The following GRM5 variants were observed in gnomAD, a reference collection of about 807,000 sequenced individuals.
The protein encoded by GRM5 is metabotropic glutamate receptor 5.
GRM5 carries 19 observed loss-of-function variants against 83.1 expected under a neutral mutation model. The ratio of observed to expected loss-of-function variants is 0.23; its 90% CI spans 0.16 to 0.34. GRM5 has a LOEUF of 0.34. GRM5 is among the 10% of genes least tolerant of loss of function. The pLI, the probability that GRM5 is intolerant of heterozygous loss-of-function variation, is 1.00. For synonymous variants in GRM5, 675 were observed against 633.6 expected (o/e 1.07, Z -0.98); for missense variants, 1,160 against 1,588.3 (o/e 0.73, Z 4.58).
chr11:88,642,298 G>C (rs1252413047), intron 4 of GRM5, among the ~76,000 whole-genome samples: 2 of 152,120 alleles, frequency 1.3e-5, no homozygotes, highest in Non-Finnish European at 2.9e-5. Context: ...AGGGCAGCAG[G>C]GTCCTGGACC....
chr11:89,060,277 T>C (rs951282436), intron 1 of GRM5, among the ~76,000 whole-genome samples: 8 of 136,976 alleles, frequency 5.8e-5, no homozygotes, highest in African/African-American at 2.1e-4. Flanking sequence ...TATATATATA[T>C]ATATATATAC....
chr11:88,524,340 C>A (rs1455527966), intron 9 of GRM5, among the ~76,000 whole-genome samples: 1 of 151,464 alleles, frequency 6.6e-6, no homozygotes, highest in Non-Finnish European at 1.5e-5. Context: ...GCCTCAGTCT[C>A]CTGAGTAGCT....
intron 8 of GRM5, among the ~76,000 whole-genome samples, chr11:88,533,799 G>A (rs915586971): frequency 1.3e-5 from 2 of 152,174 alleles, no homozygotes; most frequent in Non-Finnish European, 2.9e-5. Context: ...AGGTCTTCAG[G>A]CAGCCCCTTC....
intron 2 of GRM5, among the ~76,000 whole-genome samples, chr11:88,915,752 T>A (rs974579977): frequency 1.3e-5 from 2 of 152,138 alleles, no homozygotes; most frequent in Non-Finnish European, 2.9e-5. Context: ...CTTTGGAGGA[T>A]CTTCAAAGCA....
At chr11:88,729,717 C>T (rs1414311235) in intron 3 of GRM5, among the ~76,000 whole-genome samples, 1 of 151,974 alleles carries the variant, frequency 6.6e-6, no homozygotes, top group African/African-American at 2.4e-5. Flanking sequence ...TCAGAAATAA[C>T]ATCACACATC....
intron 2 of GRM5, among the ~76,000 whole-genome samples, chr11:88,909,150 T>C (rs1945452377): frequency 1.3e-5 from 2 of 152,128 alleles, no homozygotes; most frequent in South Asian, 4.1e-4. Context: ...CATTTCTCAT[T>C]TGTCCTTGTT....
rs980206739 is a variant in GRM5, at chr11:88,967,231, G to GTA, written c.661+79979_661+79980dup. ...TGTGTGTGTATATATGTGTGTGTAT[G>GTA]TATATATATATATACACATATATAT... is the stretch of plus-strand genomic sequence containing the variant. On this transcript the variant is annotated intron_variant, in intron 2 of 9. Transcript: ENST00000305447. Among the ~76,000 whole-genome samples the GTA allele has an allele frequency of 8.5e-3, 1,136 of 133,588 alleles. 17 individuals carry two copies. Among genetic ancestry groups the GTA allele is most frequent in the African/African-American group, 0.025 (951 of 37,326 alleles). The allele number at this position is 133,588 out of a possible 152,430, so 87.6% of individuals were successfully genotyped here. A position where few individuals can be genotyped will look rare whatever the true frequency, so the allele number is the denominator to read the frequency against.
intron 3 of GRM5, among the ~76,000 whole-genome samples, chr11:88,732,897 A>C (rs1024635411): frequency 1.3e-5 from 2 of 151,996 alleles, no homozygotes; most frequent in African/African-American, 4.8e-5. Context: ...AGTGGCAGGG[A>C]TAGATGCCTT....
intron 2 of GRM5, among the ~76,000 whole-genome samples, chr11:88,890,987 T>G (rs1481934821): frequency 1.3e-5 from 2 of 152,094 alleles, no homozygotes; most frequent in Non-Finnish European, 2.9e-5. Flanking sequence ...TATCTTAAAT[T>G]TGATAAGATA....
intron 3 of GRM5, among the ~76,000 whole-genome samples, chr11:88,849,057 A>T (rs1944346266): frequency 6.6e-6 from 1 of 152,030 alleles, no homozygotes; most frequent in Admixed American, 6.6e-5. Flanking sequence ...TAGTTCTAAG[A>T]CCTTTGGACT....
chr11:88,952,073 T>G (rs1313995890), intron 2 of GRM5, among the ~76,000 whole-genome samples: 1 of 152,096 alleles, frequency 6.6e-6, no homozygotes, highest in Non-Finnish European at 1.5e-5. Flanking sequence ...ACTTCTCAGG[T>G]GTCAGCTCTC....
intron 7 of GRM5, among the ~76,000 whole-genome samples, chr11:88,575,157 GTTTT>G (rs1385931572): frequency 3.9e-5 from 6 of 152,026 alleles, no homozygotes; most frequent in Non-Finnish European, 8.8e-5. Flanking sequence ...TGTTAAGCAA[GTTTT>G]ATTGGTAACT....
chr11:88,664,667 G>A (rs191851565), intron 3 of GRM5, among the ~76,000 whole-genome samples: 1,596 of 151,958 alleles, frequency 0.011, 31 homozygotes, highest in African/African-American at 0.034. Flanking sequence ...GGCTGGTCTC[G>A]AACTCCTGAC....
At chr11:88,845,321 CTT>C (rs1555026149) in intron 3 of GRM5, among the ~76,000 whole-genome samples, 1 of 142,398 alleles carries the variant, frequency 7.0e-6, no homozygotes, top group Non-Finnish European at 1.5e-5. Context: ...TGATCACTTG[CTT>C]TTTTTTTTTA....
At chr11:88,955,983 TA>T (rs1938599340) in intron 2 of GRM5, among the ~76,000 whole-genome samples, 2 of 152,234 alleles carry the variant, frequency 1.3e-5, no homozygotes, top group Admixed American at 6.5e-5. Flanking sequence ...GGTTACAAAT[TA>T]TTTTTTTAAA....
chr11:88,918,870 C>CA (rs1334307133), intron 2 of GRM5, among the ~76,000 whole-genome samples: 1 of 150,838 alleles, frequency 6.6e-6, no homozygotes, highest in Non-Finnish European at 1.5e-5. Flanking sequence ...AACCTCAAAT[C>CA]AAAAAACCTA....
At chr11:88,772,793 G>A (rs1565223777) in intron 3 of GRM5, among the ~76,000 whole-genome samples, 1 of 152,054 alleles carries the variant, frequency 6.6e-6, no homozygotes, top group Non-Finnish European at 1.5e-5. Context: ...CCTTTTTTAT[G>A]GCTGCATAGT....
intron 2 of GRM5, among the ~76,000 whole-genome samples, chr11:88,920,456 C>G (rs958351036): frequency 2.1e-5 from 3 of 141,236 alleles, no homozygotes; most frequent in Non-Finnish European, 4.5e-5. Context: ...TCAGGGCCCA[C>G]TGGATTTATT....
intron 3 of GRM5, among the ~76,000 whole-genome samples, chr11:88,838,306 C>A (rs1411811879): frequency 1.3e-5 from 2 of 152,092 alleles, no homozygotes; most frequent in Non-Finnish European, 2.9e-5. Flanking sequence ...CCACTATCTT[C>A]CTACTATCCC....
Sources: gnomAD v4.1 joint callset for allele counts (sites outside exome capture counted in the v4.1 genomes callset) on GRCh38, gnomAD v4.1.1 for gene constraint, MANE v1.5 for transcripts, NCBI Gene and HGNC (gene_info 2026-07-23, HGNC 2026-07-21) for gene names.